Variants in ALG5 observed in about 807,000 individuals in gnomAD.
The protein encoded by ALG5 is ALG5 dolichyl-phosphate beta-glucosyltransferase, also known as dolichyl-phosphate beta-glucosyltransferase.
ALG5 carries 26 observed loss-of-function variants against 51.8 expected under a neutral mutation model. The ratio of observed to expected loss-of-function variants is 0.50; its 90% CI spans 0.37 to 0.70. The LOEUF (loss-of-function observed/expected upper bound fraction) is 0.70. ALG5 is among the 30% of genes least tolerant of loss of function. The pLI is 0.00. For synonymous variants in ALG5, 141 were observed against 136.1 expected, an observed-to-expected ratio of 1.04 and a Z score of -0.25; for missense variants, 311 against 399.3, an observed-to-expected ratio of 0.78 and a Z score of 1.88.
Position 36,999,216 on chromosome 13 carries a change from T to G in ALG5, c.66+19A>C, listed in dbSNP as rs770743615. The G allele has an allele frequency of 1.3e-5, 21 of 1,556,394 alleles. No individual in the cohort carries two copies. The South Asian group carries it at 2.1e-4, about 16-fold the overall frequency. ...AGCGGTAAGCCCCGGCCTGCGCGGG[T>G]TCCCATCCCTGTTCTCACCAGTACG... On this transcript the variant is annotated intron_variant, in intron 1 of 9. Transcript: ENST00000239891.
At chr13:36,977,821 C>T (rs1268400087) in intron 6 of ALG5, among the ~76,000 whole-genome samples, 4 of 85,170 alleles carry the variant, frequency 4.7e-5, no homozygotes, top group Non-Finnish European at 8.8e-5. Flanking sequence ...AAAACAAAAA[C>T]GGTGGTAAGA....
chr13:36,990,658 T>C (rs560203543), intron 4 of ALG5, among the ~76,000 whole-genome samples: 49 of 152,338 alleles, frequency 3.2e-4, no homozygotes, highest in African/African-American at 1.2e-3. Context: ...ATATATTGGA[T>C]AAATAAAAAC....
intron 6 of ALG5, among the ~76,000 whole-genome samples, chr13:36,973,756 C>CAGT (rs1436160295): frequency 2.6e-5 from 4 of 152,092 alleles, no homozygotes; most frequent in Non-Finnish European, 5.9e-5. Flanking sequence ...CCCAAAAATA[C>CAGT]AGTTGGAAAA....
At chr13:36,971,415 G>C (rs1430815947) in intron 7 of ALG5, among the ~76,000 whole-genome samples, 2 of 152,136 alleles carry the variant, frequency 1.3e-5, no homozygotes, top group East Asian at 3.9e-4. Context: ...GGGAGGCTGA[G>C]GCAGGCGGAT....
intron 4 of ALG5, among the ~76,000 whole-genome samples, chr13:36,992,442 C>T (rs1456100015): frequency 6.6e-6 from 1 of 152,172 alleles, no homozygotes; most frequent in Non-Finnish European, 1.5e-5. Context: ...ACTAATAAGA[C>T]TTTACTATGT....
chr13:36,969,049 C>A (rs1461811528), intron 7 of ALG5, among the ~76,000 whole-genome samples: 4 of 152,142 alleles, frequency 2.6e-5, no homozygotes, highest in Non-Finnish European at 4.4e-5. Flanking sequence ...GGTTTTAGAG[C>A]TGAAAGAATG....
chr13:36,995,955 T>G (rs1402060971), intron 1 of ALG5, among the ~76,000 whole-genome samples: 1 of 152,132 alleles, frequency 6.6e-6, no homozygotes, highest in Non-Finnish European at 1.5e-5. Context: ...CGTGTCTACA[T>G]GCATAGAGAC....
chr13:36,989,334 T>C (rs1370768959), intron 5 of ALG5, 150 bp downstream of exon 5: 12 of 598,172 alleles, frequency 2.0e-5, no homozygotes, highest in Non-Finnish European at 1.8e-5. Context: ...ATCTTAAAAT[T>C]TGACTAAAAA....
In ALG5 at chr13:36,989,469, G is replaced by A. The variant is rs1318360968; in HGVS notation, c.447+15C>T. 1 of 1,585,472 alleles carries A rather than the reference G, an allele frequency of 6.3e-7. No individual in the cohort carries two copies. Among genetic ancestry groups the A allele is most frequent in the South Asian group, 1.1e-5 (1 of 88,490 alleles). On this transcript the variant is annotated intron_variant, in intron 5 of 9. Transcript: ENST00000239891. ...CCTTCATATTTTAGATAAAAATGTT[G>A]AAAATATGTATTACCATTCTAATCG...
intron 8 of ALG5, among the ~76,000 whole-genome samples, chr13:36,963,887 AC>A (rs2058879937): frequency 6.6e-6 from 1 of 152,192 alleles, no homozygotes; most frequent in South Asian, 2.1e-4. Context: ...AGAACCCATG[AC>A]TAAGTATTAG....
At chr13:36,973,419 C>T (rs1227153961) in intron 6 of ALG5, among the ~76,000 whole-genome samples, 2 of 152,096 alleles carry the variant, frequency 1.3e-5, no homozygotes, top group Non-Finnish European at 2.9e-5. Flanking sequence ...TGTGGGACAT[C>T]GTGGTAGCCA....
rs921051692 is a variant in ALG5, at chr13:36,999,340, C to A, written c.-40G>T. On this transcript the variant is annotated 5_prime_UTR_variant, in exon 1 of 10. Transcript: ENST00000239891. ...CAGCCCGCCCAATCCCGCACCTCCA[C>A]ACAGGCGGAAGCGCGCCCGCGCGAC... 1 of 1,526,854 alleles carries A rather than the reference C, an allele frequency of 6.5e-7. No individual in the cohort carries two copies. The highest frequency in any genetic ancestry group is 8.8e-7 in the Non-Finnish European group (1 of 1,138,456). The allele number at this position is 1,526,854 out of a possible 1,614,324, so 94.6% of individuals were successfully genotyped here.
chr13:36,965,526 G>T (rs1433294537), intron 8 of ALG5, 49 bp downstream of exon 8: 1 of 1,548,362 alleles, frequency 6.5e-7, no homozygotes, highest in South Asian at 1.2e-5. Context: ...TTACCTAGAA[G>T]ATGGCTGGGT....
At chr13:36,967,969 TAA>T (rs2058902964) in intron 7 of ALG5, 1 of 331,240 alleles carries the variant, frequency 3.0e-6, no homozygotes, top group Non-Finnish European at 5.4e-6. Flanking sequence ...GCTTGGATGT[TAA>T]TAACAGGATT....
At chr13:36,990,185 T>C (rs1450496828) in intron 4 of ALG5, among the ~76,000 whole-genome samples, 3 of 152,242 alleles carry the variant, frequency 2.0e-5, no homozygotes, top group Non-Finnish European at 1.5e-5. Flanking sequence ...TTTCTCAAGC[T>C]ACGGCCATTA....
chr13:36,990,307 A>G (rs1023962294), intron 4 of ALG5, among the ~76,000 whole-genome samples: 5 of 152,156 alleles, frequency 3.3e-5, no homozygotes, highest in African/African-American at 7.2e-5. Context: ...TTGCTCTTCC[A>G]CATCCCGTTT....
chr13:36,950,372 G>A (rs1349721809), intron 9 of ALG5, among the ~76,000 whole-genome samples: 1 of 152,164 alleles, frequency 6.6e-6, no homozygotes, highest in African/African-American at 2.4e-5. Context: ...TACTCACTGA[G>A]TGCTCATTAC....
intron 6 of ALG5, among the ~76,000 whole-genome samples, 157 bp from the exon 7 acceptor site, chr13:36,972,193 CT>C (rs2058927182): frequency 6.6e-6 from 1 of 152,062 alleles, no homozygotes; most frequent in Non-Finnish European, 1.5e-5. Context: ...ATATGTACAA[CT>C]TTGAGAAGCC....
chr13:36,995,007 G>T lies in ALG5; in HGVS notation c.267C>A (p.Ser89Arg), dbSNP rs745828516. 11 of 1,613,060 alleles carry T rather than the reference G, an allele frequency of 6.8e-6. No individual in the cohort carries two copies. In the Middle Eastern group the frequency reaches 6.6e-4, roughly 97 times the overall value. The change falls in exon 3 of 10, where the codon AGC (serine) becomes AGA (arginine). Residue 89 changes from serine to arginine, a missense_variant. Ser to Arg is a moderately radical substitution (Grantham distance 110). Transcript: ENST00000239891. Reference protein sequence around the residue: ...RLPVMMDEALSYLEKRQKRDP... With the variant: ...RLPVMMDEALRYLEKRQKRDP... ...ATGATACCTGTCTCTTCTCTAGATA[G>T]CTCAGAGCTTCATCCATCATCACAG...
Sources: allele counts gnomAD v4.1 joint callset (sites outside exome capture counted in the v4.1 genomes callset), GRCh38; gene constraint gnomAD v4.1.1; transcripts MANE v1.5; gene names NCBI Gene and HGNC (gene_info 2026-07-23, HGNC 2026-07-21).